TET2: variants seen among roughly 807,000 people sequenced by gnomAD.
TET2 encodes the protein methylcytosine dioxygenase TET2.
A neutral mutation model predicts 142.9 loss-of-function variants in TET2; 299 were observed. The observed-to-expected ratio is 2.09, with a 90% CI of 1.90 to 2.30. TET2 has a LOEUF of 2.30. TET2 is among the 30% of genes most tolerant of loss of function. The pLI is 0.00. For missense variants in TET2, 2,418 were observed against 2,378.0 expected (o/e 1.02, Z -0.35); for synonymous variants, 819 against 849.0 (o/e 0.96, Z 0.61).
rs556579453 is a variant in TET2 at position 105,159,787 on chromosome 4, G to A, written c.-193+12808G>A. On this transcript the variant is annotated intron_variant, in intron 1 of 10. Coordinates refer to ENST00000380013, the MANE Select transcript of TET2 (RefSeq NM_001127208.3). ...TCCCGGCATTTTGGGAGGCCAAGGC[G>A]GGTGGCAAGAGATCGAGATCATCCT... Among the ~76,000 whole-genome samples, 5 of 152,154 alleles carry A rather than the reference G, an allele frequency of 3.3e-5. No individual in the cohort carries two copies. The South Asian group carries it at 1.0e-3, about 32-fold the overall frequency.
chr4:105,162,719 C>G (rs1183627283), intron 1 of TET2, among the ~76,000 whole-genome samples: 1 of 151,958 alleles, frequency 6.6e-6, no homozygotes, highest in Non-Finnish European at 1.5e-5. Context: ...GCTGCATTTT[C>G]TTTTTTTTAA....
chr4:105,245,456 G>A (rs894565581), intron 6 of TET2, among the ~76,000 whole-genome samples: 9 of 151,830 alleles, frequency 5.9e-5, no homozygotes, highest in South Asian at 2.1e-4. Flanking sequence ...TCAGCCTCCC[G>A]AATAGCTGGG....
intron 3 of TET2, 25 bp from the exon 4 acceptor site, chr4:105,241,311 AAAT>A (rs1336676240): frequency 1.3e-6 from 2 of 1,527,508 alleles, no homozygotes; most frequent in Admixed American, 2.2e-5. Flanking sequence ...TTGAGGTCTA[AAAT>A]AATAATCTTC....
At chr4:105,212,878 T>C (rs562473647) in intron 2 of TET2, among the ~76,000 whole-genome samples, 2 of 152,008 alleles carry the variant, frequency 1.3e-5, no homozygotes, top group African/African-American at 4.8e-5. Context: ...TAGTCCCAGA[T>C]ACTTGGATGG....
Position 105,236,520 on chromosome 4 carries a change from CA to C in TET2, c.2582del (p.Asn861ThrfsTer12), listed in dbSNP as rs1423923476. On this transcript the variant is annotated frameshift_variant, in exon 3 of 11. Transcript: ENST00000380013. LOFTEE classifies it high-confidence loss of function. ...HPELFAGNKT[Q>X]NLHHMQYFPN... ...TGAACTTTTTGCAGGAAACAAGACC[CA>C]AAACTTGCATCACATGCAATATTTT... 1 of 1,614,058 alleles carries C rather than the reference CA, an allele frequency of 6.2e-7. No homozygotes were observed. Among genetic ancestry groups the C allele is most frequent in the Non-Finnish European group, 8.5e-7 (1 of 1,180,006 alleles).
At chr4:105,215,114 T>C (rs903180583) in intron 2 of TET2, among the ~76,000 whole-genome samples, 1 of 152,080 alleles carries the variant, frequency 6.6e-6, no homozygotes, top group Non-Finnish European at 1.5e-5. Context: ...CCCTCACACA[T>C]TTGGTCACAA....
At chr4:105,168,426 C>T (rs1020200835) in intron 1 of TET2, among the ~76,000 whole-genome samples, 2 of 152,086 alleles carry the variant, frequency 1.3e-5, no homozygotes, top group African/African-American at 4.8e-5. Context: ...TTCCCTCTTC[C>T]TGGAGCACCC....
chr4:105,187,706 T>G (rs1725538534), intron 1 of TET2, among the ~76,000 whole-genome samples: 1 of 152,240 alleles, frequency 6.6e-6, no homozygotes, highest in African/African-American at 2.4e-5. Context: ...TCATTTTATT[T>G]CATTTATTCT....
In TET2 at chr4:105,234,538, T is replaced by A; in HGVS notation, c.596T>A (p.Leu199Ter). ...AATTACCATGACAAGAACATTGTAT[T>A]ACTTAAAAACAAGGCAGTGCTAATG... ...SANYHDKNIV[L>*]LKNKAVLMPN... The change falls in exon 3 of 11, where the codon TTA becomes TAA. Residue 199 changes from leucine (L) to a stop codon, truncating the protein, a stop_gained. Coordinates refer to ENST00000380013, the MANE Select transcript of TET2 (RefSeq NM_001127208.3). LOFTEE classifies it high-confidence loss of function. 6.2e-7 allele frequency: 1 copy of A among 1,614,150 alleles called. No homozygotes were observed. Among genetic ancestry groups the A allele is most frequent in the Non-Finnish European group, 8.5e-7 (1 of 1,180,016 alleles).
Position 105,279,405 on chromosome 4 carries a change from T to C in TET2, c.*2886T>C. 4.3e-6 allele frequency: 1 copy of C among 232,638 alleles called. No homozygotes were observed. Among genetic ancestry groups the C allele is most frequent in the Non-Finnish European group, 8.5e-6 (1 of 117,684 alleles). The allele number at this position is 232,638 out of a possible 1,614,324, so 14.4% of individuals were successfully genotyped here. A position where few individuals can be genotyped will look rare whatever the true frequency, so the allele number is the denominator to read the frequency against. ...TCAGTTAGAATGAATGGAAAGCAGA[T>C]CTACAATTTGCTAATATAGGAATAT... is the stretch of plus-strand genomic sequence containing the variant. On this transcript the variant is annotated 3_prime_UTR_variant, in exon 11 of 11. Coordinates refer to ENST00000380013, the MANE Select transcript of TET2 (RefSeq NM_001127208.3).
chr4:105,257,593 T>G (rs1730204880), intron 6 of TET2, among the ~76,000 whole-genome samples: 1 of 152,116 alleles, frequency 6.6e-6, no homozygotes, highest in Non-Finnish European at 1.5e-5. Flanking sequence ...ATTCCCTGCT[T>G]GTGCAGAGTC....
At chr4:105,152,799 G>A (rs533870129) in intron 1 of TET2, among the ~76,000 whole-genome samples, 1 of 151,974 alleles carries the variant, frequency 6.6e-6, no homozygotes, top group African/African-American at 2.4e-5. Context: ...GTTTCACCAT[G>A]TTGGCCAGGC....
chr4:105,177,006 A>G (rs1388403016), intron 1 of TET2, among the ~76,000 whole-genome samples: 1 of 152,230 alleles, frequency 6.6e-6, no homozygotes, highest in Non-Finnish European at 1.5e-5. Context: ...AGGCAATACA[A>G]TGGAGCAAAG....
rs773884315 is a variant in TET2, at chr4:105,234,025, A to C, written c.83A>C (p.Glu28Ala). 1 of 1,614,092 alleles carries C rather than the reference A, an allele frequency of 6.2e-7. No individual in the cohort carries two copies. Among genetic ancestry groups the C allele is most frequent in the Non-Finnish European group, 8.5e-7 (1 of 1,179,990 alleles). Residue 28 changes from glutamate to alanine, a missense_variant, in exon 3 of 11, where the codon GAA becomes GCA. By Grantham distance (107) the Glu-to-Ala change is moderately radical (BLOSUM62 -1). Coordinates refer to ENST00000380013, the MANE Select transcript of TET2 (RefSeq NM_001127208.3). ...CCATCACCTCCCATTTGCCAGACAG[A>C]ACCTCTGGCTACAAAGCTCCAGAAT... Reference protein sequence around the residue: ...LIPSPPICQTEPLATKLQNGS... With the variant: ...LIPSPPICQTAPLATKLQNGS...
At chr4:105,193,942 GA>G (rs1725931598) in intron 2 of TET2, among the ~76,000 whole-genome samples, 1 of 152,130 alleles carries the variant, frequency 6.6e-6, no homozygotes, top group South Asian at 2.1e-4. Context: ...ATAAGTTGGA[GA>G]GACAGAGAAT....
At chr4:105,181,164 C>T (rs1477199320) in intron 1 of TET2, among the ~76,000 whole-genome samples, 1 of 152,102 alleles carries the variant, frequency 6.6e-6, no homozygotes, top group Non-Finnish European at 1.5e-5. Flanking sequence ...TGCAGTCTAC[C>T]TTTCTCAGCT....
At chr4:105,246,796 T>G (rs1229167158) in intron 6 of TET2, among the ~76,000 whole-genome samples, 1 of 152,252 alleles carries the variant, frequency 6.6e-6, no homozygotes, top group Non-Finnish European at 1.5e-5. Flanking sequence ...CAAATCCCTG[T>G]GTCCACATGC....
intron 1 of TET2, among the ~76,000 whole-genome samples, chr4:105,189,987 CAG>C (rs1725688776): frequency 6.6e-6 from 1 of 152,180 alleles, no homozygotes; most frequent in Non-Finnish European, 1.5e-5. Context: ...CTCAACAAGT[CAG>C]AATCTCTGAG....
intron 2 of TET2, among the ~76,000 whole-genome samples, chr4:105,230,554 T>C (rs1210678285): frequency 6.6e-6 from 1 of 152,210 alleles, no homozygotes; most frequent in Non-Finnish European, 1.5e-5. Flanking sequence ...CTGTACCTTG[T>C]TGCAGTTTTA....
Sources: gnomAD v4.1 joint callset for allele counts (sites outside exome capture counted in the v4.1 genomes callset) on GRCh38, gnomAD v4.1.1 for gene constraint, MANE v1.5 for transcripts, NCBI Gene and HGNC (gene_info 2026-07-23, HGNC 2026-07-21) for gene names.